DNAH7: variants seen among roughly 807,000 people sequenced by gnomAD.
DNAH7 encodes dynein axonemal heavy chain 7, also known as axonemal beta dynein heavy chain 7.
In DNAH7, 397 loss-of-function variants were observed where a neutral mutation model predicts 444.6. The observed-to-expected ratio is 0.89, with a 90% CI of 0.82 to 0.97. The LOEUF is 0.97. Among genes scored for constraint, DNAH7 ranks in the 50% least tolerant of loss-of-function variants. DNAH7 has a pLI of 0.00. For synonymous variants in DNAH7, 1,636 were observed against 1,624.4 expected, an observed-to-expected ratio of 1.01 and a Z score of -0.17; for missense variants, 4,902 against 4,800.8, an observed-to-expected ratio of 1.02 and a Z score of -0.62.
chr2:195,806,779 A>T lies in DNAH7; in HGVS notation c.10137T>A (p.Phe3379Leu), dbSNP rs773356923. The T allele has an allele frequency of 1.9e-6, 3 of 1,613,770 alleles. No individual in the cohort carries two copies. In the South Asian group the frequency reaches 3.3e-5, roughly 18 times the overall value. ...AGCAACGAATAATAAGCATCCTTTG[A>T]AACTCATTTGCTTTATCTTCCCATT... is the stretch of plus-strand genomic sequence containing the variant. ...PEEWEDKANE[F>L]QRMLIIRCLR... The change falls in exon 54 of 65, where the codon TTT (phenylalanine) becomes TTA (leucine). Residue 3379 changes from phenylalanine (F) to leucine (L), a missense_variant. Physicochemically the swap from Phe to Leu is conservative, Grantham distance 22 (BLOSUM62 0). Coordinates refer to ENST00000312428, the MANE Select transcript of DNAH7 (RefSeq NM_018897.3).
intron 54 of DNAH7, among the ~76,000 whole-genome samples, chr2:195,802,952 A>G (rs1056460215): frequency 6.6e-6 from 1 of 152,186 alleles, no homozygotes; most frequent in Admixed American, 6.5e-5. Flanking sequence ...GACAACATTC[A>G]GTATTCGTCT....
chr2:196,050,133 C>T (rs1456422799), intron 3 of DNAH7, among the ~76,000 whole-genome samples: 3 of 152,176 alleles, frequency 2.0e-5, no homozygotes, highest in Non-Finnish European at 4.4e-5. Context: ...TACAAAGCAA[C>T]ACAAATTCAA....
Position 195,923,774 on chromosome 2 carries a change from G to T in DNAH7, c.3646C>A (p.Gln1216Lys). 1.9e-6 allele frequency: 3 copies of T among 1,614,054 alleles called. No individual in the cohort carries two copies. Among genetic ancestry groups the T allele is most frequent in the Non-Finnish European group, 2.5e-6 (3 of 1,180,006 alleles). ...LEQYLKTCNR[Q>K]IDDIVTLVRG... ...ACCAAAGTGACAATATCATCAATTT[G>T]TCTGTTACATGTTTTCAAGTATTGC... The change falls in exon 23 of 65, where the codon CAA (glutamine) becomes AAA (lysine). Residue 1216 changes from glutamine (Q) to lysine (K), a missense_variant. Transcript: ENST00000312428.
At chr2:195,895,302 G>A (rs1702242555) in intron 29 of DNAH7, 78 bp from the exon 30 acceptor site, 4 of 941,306 alleles carry the variant, frequency 4.2e-6, no homozygotes, top group Non-Finnish European at 6.0e-6. Context: ...ATGGAAATAG[G>A]GCCATTAGAT....
At chr2:195,778,169 T>G (rs1210450013) in intron 58 of DNAH7, among the ~76,000 whole-genome samples, 184 bp from the exon 59 acceptor site, 1 of 152,210 alleles carries the variant, frequency 6.6e-6, no homozygotes, top group Admixed American at 6.5e-5. Context: ...TTTTCTGGCT[T>G]TTTATTTCCA....
chr2:195,819,040 T>C (rs1022273262), intron 49 of DNAH7, among the ~76,000 whole-genome samples: 4 of 152,170 alleles, frequency 2.6e-5, no homozygotes, highest in African/African-American at 4.8e-5. Flanking sequence ...AAGGAACTGA[T>C]TGTGGAATCC....
intron 14 of DNAH7, among the ~76,000 whole-genome samples, chr2:195,984,932 TA>T (rs1417073402): frequency 2.0e-5 from 3 of 152,180 alleles, no homozygotes; most frequent in Non-Finnish European, 4.4e-5. Flanking sequence ...CAGTGACACA[TA>T]AATGAATCAG....
At chr2:195,841,394 T>A (rs1698676212) in intron 47 of DNAH7, among the ~76,000 whole-genome samples, 1 of 151,924 alleles carries the variant, frequency 6.6e-6, no homozygotes, top group African/African-American at 2.4e-5. Context: ...TGTAACATCT[T>A]TTTTATCCAA....
chr2:195,961,488 T>A (rs1453163265), intron 17 of DNAH7, among the ~76,000 whole-genome samples: 1 of 152,224 alleles, frequency 6.6e-6, no homozygotes, highest in Non-Finnish European at 1.5e-5. Flanking sequence ...TGAGATCATG[T>A]GGTATTTGTC....
intron 1 of DNAH7, 46 bp from the exon 2 acceptor site, chr2:196,058,162 C>A: frequency 1.3e-6 from 2 of 1,492,710 alleles, no homozygotes; most frequent in South Asian, 1.3e-5. Context: ...TCCGTTAATG[C>A]TAAAATTGAT....
At chr2:195,747,305 G>A (rs1388486614) in intron 63 of DNAH7, among the ~76,000 whole-genome samples, 1 of 152,168 alleles carries the variant, frequency 6.6e-6, no homozygotes, top group Non-Finnish European at 1.5e-5. Context: ...CCAGGAAGAA[G>A]TTGAATCTCT....
chr2:195,787,263 T>C lies in DNAH7; in HGVS notation c.10717-92A>G, dbSNP rs565969858. On this transcript the variant is annotated intron_variant, in intron 57 of 64. Transcript: ENST00000312428. ...TTAAAATGAAAGCAAATTTCTTTCA[T>C]TTATAAATAGCATAGGGACATATTC... 217 of 1,329,950 alleles carry C rather than the reference T, an allele frequency of 1.6e-4. No homozygotes were observed. In the Middle Eastern group the frequency reaches 2.2e-3, roughly 14 times the overall value. 82.4% of individuals were successfully genotyped at this position (1,329,950 alleles called of 1,614,324 possible).
At chr2:195,887,272 C>T (rs747611974) in intron 33 of DNAH7, among the ~76,000 whole-genome samples, 12 of 152,014 alleles carry the variant, frequency 7.9e-5, no homozygotes, top group Non-Finnish European at 1.8e-4. Context: ...GAAAAAAAAC[C>T]CCATAAAGGC....
chr2:195,948,952 A>G (rs974651707), intron 19 of DNAH7, among the ~76,000 whole-genome samples: 3 of 152,000 alleles, frequency 2.0e-5, no homozygotes, highest in African/African-American at 7.2e-5. Context: ...ATTTGTTTGT[A>G]TCTTCTCTTA....
chr2:196,000,654 G>A (rs775847030), intron 12 of DNAH7, 50 bp downstream of exon 12: 4 of 1,367,180 alleles, frequency 2.9e-6, no homozygotes, highest in Non-Finnish European at 3.9e-6. Context: ...GTTACTTGAA[G>A]TGAATGTCAT....
intron 46 of DNAH7, among the ~76,000 whole-genome samples, chr2:195,847,134 T>G (rs909136527): frequency 6.1e-5 from 9 of 147,090 alleles, no homozygotes; most frequent in African/African-American, 2.2e-4. Flanking sequence ...ATATATATCT[T>G]ATATATATAT....
intron 64 of DNAH7, 58 bp downstream of exon 64, chr2:195,740,708 A>T: frequency 3.2e-5 from 19 of 598,428 alleles, no homozygotes; most frequent in Non-Finnish European, 4.3e-5. Context: ...TTTTATATAT[A>T]ATATATAAAA....
In DNAH7 at chr2:196,000,716, C is replaced by T. The variant is rs1400114982; in HGVS notation, c.1341G>A (p.Leu447=). The T allele has an allele frequency of 3.2e-6, 5 of 1,567,618 alleles. No individual in the cohort carries two copies. The highest frequency in any genetic ancestry group is 4.3e-6 in the Non-Finnish European group (5 of 1,157,096). Residue 447 remains leucine, a synonymous_variant, in exon 12 of 65, where the codon TTG becomes TTA. Transcript: ENST00000312428. ...VSFVPRVETK[L]YSKWESKSKP... is the part of the protein sequence containing the mutation. ...CCTTGTTACTTACCCACTTGGAATA[C>T]AATTTTGTCTCAACTCTTGGCACAA...
intron 47 of DNAH7, among the ~76,000 whole-genome samples, chr2:195,839,662 C>T (rs891427455): frequency 1.3e-5 from 2 of 151,538 alleles, no homozygotes; most frequent in African/African-American, 4.8e-5. Flanking sequence ...ATTATCAAAT[C>T]AGAAGTGATA....
Sources: gnomAD v4.1 joint callset for allele counts (sites outside exome capture counted in the v4.1 genomes callset) on GRCh38, gnomAD v4.1.1 for gene constraint, MANE v1.5 for transcripts, NCBI Gene and HGNC (gene_info 2026-07-23, HGNC 2026-07-21) for gene names.